The following ROCK2 variants were observed in gnomAD, a reference collection of about 807,000 sequenced individuals.
ROCK2 encodes Rho associated coiled-coil containing protein kinase 2.
A neutral mutation model predicts 195.1 loss-of-function variants in ROCK2; 61 were observed. That is an observed-to-expected ratio of 0.31 (90% CI 0.25 to 0.39). The LOEUF (loss-of-function observed/expected upper bound fraction) is 0.39. Ranked by LOEUF, ROCK2 falls within the 10% of genes least tolerant of loss-of-function variation. The pLI, the probability that ROCK2 is intolerant of heterozygous loss-of-function variation, is 1.00. For missense variants in ROCK2, 1,109 were observed against 1,637.4 expected (o/e 0.68, Z 5.57); for synonymous variants, 504 against 545.5 (o/e 0.92, Z 1.06).
intron 23 of ROCK2, among the ~76,000 whole-genome samples, chr2:11,199,145 C>T (rs1663754956): frequency 6.6e-6 from 1 of 151,458 alleles, no homozygotes; most frequent in African/African-American, 2.4e-5. Flanking sequence ...GAGTGATCGC[C>T]CGCCTAGGCC....
intron 11 of ROCK2, 29 bp from the exon 12 acceptor site, chr2:11,217,198 G>C: frequency 1.8e-6 from 2 of 1,117,716 alleles, no homozygotes; most frequent in Non-Finnish European, 2.7e-6. Flanking sequence ...CTGTAATTAC[G>C]TATTTTGGTC....
chr2:11,262,066 T>C (rs930290293), intron 3 of ROCK2, among the ~76,000 whole-genome samples: 23 of 152,226 alleles, frequency 1.5e-4, no homozygotes, highest in African/African-American at 5.3e-4. Flanking sequence ...GGAATTTAGC[T>C]CATTCTGTTA....
chr2:11,215,671 C>T, intron 13 of ROCK2, 26 bp from the exon 14 acceptor site: 1 of 1,550,600 alleles, frequency 6.4e-7, no homozygotes, highest in Non-Finnish European at 8.7e-7. Context: ...AAGTTATTAT[C>T]AAAAAAGTAT....
intron 3 of ROCK2, 103 bp from the exon 4 acceptor site, chr2:11,249,901 A>G: frequency 1.0e-6 from 1 of 982,214 alleles, no homozygotes; most frequent in Non-Finnish European, 1.4e-6. Context: ...GTTACAAAAA[A>G]ATGGTCCTTA....
At chr2:11,280,740 T>G (rs1666974353) in intron 3 of ROCK2, among the ~76,000 whole-genome samples, 1 of 152,034 alleles carries the variant, frequency 6.6e-6, no homozygotes, top group Non-Finnish European at 1.5e-5. Context: ...AGAAACAGAC[T>G]TACTGTTATT....
At chr2:11,196,490 A>G (rs1364145837) in intron 27 of ROCK2, among the ~76,000 whole-genome samples, 2 of 152,244 alleles carry the variant, frequency 1.3e-5, no homozygotes, top group Non-Finnish European at 2.9e-5. Context: ...GCATCTATCA[A>G]TTATAACAGC....
intron 28 of ROCK2, 132 bp downstream of exon 28, chr2:11,194,823 A>T (rs572450539): frequency 5.6e-5 from 24 of 429,414 alleles, no homozygotes; most frequent in African/African-American, 4.5e-4. Flanking sequence ...TATCATTTCA[A>T]ATCCTGAAGT....
At chr2:11,280,332 G>A (rs532879389) in intron 3 of ROCK2, among the ~76,000 whole-genome samples, 1 of 152,082 alleles carries the variant, frequency 6.6e-6, no homozygotes, top group South Asian at 2.1e-4. Context: ...CATTAATAAG[G>A]ATAATAAGGG....
intron 3 of ROCK2, among the ~76,000 whole-genome samples, chr2:11,264,884 C>A (rs528796159): frequency 6.6e-6 from 1 of 152,168 alleles, no homozygotes; most frequent in South Asian, 2.1e-4. Context: ...TACTATACAG[C>A]CAATACAAGT....
rs773708028 is a variant in ROCK2, at chr2:11,344,082, C to G, written c.55G>C (p.Gly19Arg). Residue 19 changes from glycine (G) to arginine (R), a missense_variant, in exon 1 of 33, where the codon GGG becomes CGG. By Grantham distance (125) the Gly-to-Arg change is moderately radical. Around this residue, in one of 6 missense-constraint regions of ROCK2, gnomAD observed 64 missense variants for 62.4 expected, o/e 1.03. Coordinates refer to ENST00000315872, the MANE Select transcript of ROCK2 (RefSeq NM_004850.5). The surrounding 1 kb of genome is among the most constrained non-coding windows in gnomAD (Gnocchi z 5.4). ...KMPGAPETAPGDGAGASRQRK... is the reference protein window; with the variant it reads ...KMPGAPETAPRDGAGASRQRK... Reference sequence around the variant, plus strand: ...TGGCGGCTCGCGCCTGCCCCGTCCCCCGGCGCGGTCTCGGGGGCGCCGGGC... The same window carrying G: ...TGGCGGCTCGCGCCTGCCCCGTCCCGCGGCGCGGTCTCGGGGGCGCCGGGC... 6.5e-7 allele frequency: 1 copy of G among 1,545,262 alleles called. No individual in the cohort carries two copies. The highest frequency in any genetic ancestry group is 1.5e-5 in the African/African-American group (1 of 68,964).
At position 11,192,038 on chromosome 2, in the gene ROCK2, T is replaced by C; in HGVS notation, c.4163+110A>G. 1.3e-6 allele frequency: 1 copy of C among 756,290 alleles called. No individual in the cohort carries two copies. The highest frequency in any genetic ancestry group is 2.1e-6 in the Non-Finnish European group (1 of 468,230). The allele number at this position is 756,290 out of a possible 1,614,324, so 46.8% of individuals were successfully genotyped here. On this transcript the variant is annotated intron_variant, in intron 32 of 32. Transcript: ENST00000315872. The surrounding 1 kb of genome is among the most constrained non-coding windows in gnomAD (Gnocchi z 5.0). ...CAACATTTGGTATTCCATAGTTAAC[T>C]AAAATACAAAGCAAAGGAAAACTAA...
rs1663684777 is a variant in ROCK2, at chr2:11,197,451, G to C, written c.3279+75C>G. The C allele has an allele frequency of 6.5e-7, 1 of 1,539,542 alleles. No individual in the cohort carries two copies. The stretch of plus-strand genomic sequence containing the variant: ...ATTAAATAGAAATGGTCTATAACCA[G>C]TAAAACACAGACATGAAAATAATTC... On this transcript the variant is annotated intron_variant, in intron 26 of 32. Transcript: ENST00000315872. The surrounding 1 kb of genome is among the most constrained non-coding windows in gnomAD (Gnocchi z 4.9).
chr2:11,194,907 TAAAACA>T, intron 28 of ROCK2, 42 bp downstream of exon 28: 9 of 1,160,278 alleles, frequency 7.8e-6, no homozygotes, highest in East Asian at 2.4e-5. Context: ...TGACTAGAGT[TAAAACA>T]AAAACAAAAA....
At position 11,310,030 on chromosome 2, in the gene ROCK2, G is replaced by A. The variant is rs532782647; in HGVS notation, c.142-22294C>T. ...AAGAGCTATGTCAAAATTTTTCTTT[G>A]AGAGATTTCTATGAATGGACTGAAC... On this transcript the variant is annotated intron_variant, in intron 1 of 32. Coordinates refer to ENST00000315872, the MANE Select transcript of ROCK2 (RefSeq NM_004850.5). Among the ~76,000 whole-genome samples, 47 of 152,256 alleles carry A rather than the reference G, an allele frequency of 3.1e-4. 1 individual carries two copies. Among genetic ancestry groups the A allele is most frequent in the Middle Eastern group, 3.4e-3 (1 of 294 alleles).
At chr2:11,219,151 T>C (rs754559571) in intron 9 of ROCK2, 125 bp from the exon 10 acceptor site, 19 of 458,280 alleles carry the variant, frequency 4.1e-5, no homozygotes, top group Non-Finnish European at 7.2e-5. Flanking sequence ...CAACACATTA[T>C]TTACAAATGA....
intron 1 of ROCK2, among the ~76,000 whole-genome samples, chr2:11,296,249 G>A (rs1198581647): frequency 1.3e-5 from 2 of 152,104 alleles, no homozygotes; most frequent in Non-Finnish European, 2.9e-5. Context: ...TAGATAGATA[G>A]CTAAGCTACT....
chr2:11,220,614 G>A (rs2148074760), intron 9 of ROCK2, among the ~76,000 whole-genome samples: 1 of 152,314 alleles, frequency 6.6e-6, no homozygotes, highest in East Asian at 1.9e-4. Context: ...CCTGCTCTAT[G>A]TTTGAGTGCT....
chr2:11,260,530 ACTTT>A (rs1229255502), intron 3 of ROCK2, among the ~76,000 whole-genome samples: 2 of 151,526 alleles, frequency 1.3e-5, no homozygotes, highest in Non-Finnish European at 2.9e-5. Flanking sequence ...ATCTTCACTT[ACTTT>A]AAGAACAAAT....
Position 11,218,454 on chromosome 2 carries a change from C to G in ROCK2, c.1332+1G>C. On this transcript the variant is annotated splice_donor_variant, in intron 11 of 32. Coordinates refer to ENST00000315872, the MANE Select transcript of ROCK2 (RefSeq NM_004850.5). LOFTEE classifies it high-confidence loss of function. The stretch of plus-strand genomic sequence containing the variant: ...CAATATATCTGACAACATCAACATA[C>G]CTCTTGACTTTCCTATTTAAAACAA... 6.4e-7 allele frequency: 1 copy of G among 1,558,986 alleles called. No individual in the cohort carries two copies. The highest frequency in any genetic ancestry group is 8.7e-7 in the Non-Finnish European group (1 of 1,149,108).
Sources: gnomAD v4.1 joint callset for allele counts (sites outside exome capture counted in the v4.1 genomes callset) on GRCh38, gnomAD v4.1.1 for gene constraint, gnomAD v4.1.1 regional missense constraint, Gnocchi (gnomAD v3.1) non-coding constraint, MANE v1.5 for transcripts, NCBI Gene and HGNC (gene_info 2026-07-23, HGNC 2026-07-21) for gene names.